COL21A1: variants seen among roughly 807,000 people sequenced by gnomAD.
COL21A1 encodes collagen type XXI alpha 1 chain, also known as collagen alpha-1(XXI) chain.
A neutral mutation model predicts 137.9 loss-of-function variants in COL21A1; 149 were observed. That is an observed-to-expected ratio of 1.08 (90% confidence interval 0.95 to 1.24). The LOEUF is 1.24. COL21A1 is among the 50% of genes most tolerant of loss of function. The pLI, the probability that COL21A1 is intolerant of heterozygous loss-of-function variation, is 0.00. For synonymous variants in COL21A1, 456 were observed against 391.5 expected (o/e 1.16, Z -1.95); for missense variants, 1,167 against 1,158.4 (o/e 1.01, Z -0.11).
chr6:56,130,729 T>C (rs1462034585), intron 12 of COL21A1, among the ~76,000 whole-genome samples: 1 of 151,896 alleles, frequency 6.6e-6, no homozygotes, highest in Admixed American at 6.6e-5. Context: ...AATAAAAAGG[T>C]GTAGTATTCA....
intron 1 of COL21A1, among the ~76,000 whole-genome samples, chr6:56,267,506 C>T (rs1763418660): frequency 6.6e-6 from 1 of 151,960 alleles, no homozygotes; most frequent in African/African-American, 2.4e-5. Flanking sequence ...CCTGTAATCC[C>T]AGCACTTTGG....
At chr6:56,182,444 T>G in intron 2 of COL21A1, 87 bp downstream of exon 2, 1 of 813,076 alleles carries the variant, frequency 1.2e-6, no homozygotes, top group Non-Finnish European at 2.0e-6. Context: ...AAGAATGAGA[T>G]CCTTAAAACC....
chr6:56,335,074 G>T (rs6927523), intron 1 of COL21A1, among the ~76,000 whole-genome samples: 102,556 of 151,848 alleles, frequency 0.68, 34,963 homozygotes, highest in East Asian at 0.9. Flanking sequence ...GAATGGATTG[G>T]TTTTTTTTGG....
At chr6:56,347,602 G>A (rs989850971) in intron 1 of COL21A1, among the ~76,000 whole-genome samples, 73 of 150,768 alleles carry the variant, frequency 4.8e-4, no homozygotes, top group African/African-American at 1.7e-3. Context: ...CTAGAAGTAA[G>A]GCCTGAGCAT....
chr6:56,180,933 C>T (rs896162231), intron 2 of COL21A1, among the ~76,000 whole-genome samples: 29 of 152,302 alleles, frequency 1.9e-4, no homozygotes, highest in African/African-American at 7.0e-4. Context: ...AACTCTGGGC[C>T]TTTGCAGTTG....
chr6:56,074,733 A>G (rs1424247794), intron 19 of COL21A1, among the ~76,000 whole-genome samples: 2 of 151,418 alleles, frequency 1.3e-5, no homozygotes, highest in Non-Finnish European at 3.0e-5. Context: ...ATCTTTCTTC[A>G]GGGTACAAAA....
At chr6:56,156,467 T>A (rs1205761222) in intron 10 of COL21A1, among the ~76,000 whole-genome samples, 1 of 152,148 alleles carries the variant, frequency 6.6e-6, no homozygotes, top group Non-Finnish European at 1.5e-5. Flanking sequence ...CCCAGAAATG[T>A]CTTTCTCAAG....
At chr6:56,260,734 A>G (rs1243963553) in intron 1 of COL21A1, among the ~76,000 whole-genome samples, 3 of 151,050 alleles carry the variant, frequency 2.0e-5, no homozygotes, top group Non-Finnish European at 4.4e-5. Context: ...GCAGGCAGGA[A>G]GGAAGGAAGG....
At chr6:56,092,175 T>G (rs1768882711) in intron 17 of COL21A1, among the ~76,000 whole-genome samples, 1 of 152,150 alleles carries the variant, frequency 6.6e-6, no homozygotes. Context: ...ACAATAATTA[T>G]TTTTGTTTAT....
At chr6:56,369,343 C>T (rs1281491305) in intron 1 of COL21A1, among the ~76,000 whole-genome samples, 2 of 150,908 alleles carry the variant, frequency 1.3e-5, no homozygotes, top group African/African-American at 4.9e-5. Context: ...ACTAGATAAA[C>T]GCAGGACCCA....
At chr6:56,151,959 G>T (rs527611119) in intron 10 of COL21A1, among the ~76,000 whole-genome samples, 1 of 152,292 alleles carries the variant, frequency 6.6e-6, no homozygotes, top group South Asian at 2.1e-4. Flanking sequence ...GGAGGGGCTG[G>T]ATATTTAAGA....
intron 16 of COL21A1, among the ~76,000 whole-genome samples, chr6:56,111,464 A>G (rs1409330628): frequency 2.0e-5 from 3 of 152,184 alleles, no homozygotes; most frequent in East Asian, 3.8e-4. Flanking sequence ...GTTTTGACAA[A>G]TATACCATAG....
At chr6:56,341,217 G>A (rs1765461438) in intron 1 of COL21A1, among the ~76,000 whole-genome samples, 1 of 152,056 alleles carries the variant, frequency 6.6e-6, no homozygotes. Flanking sequence ...CGGTATATAA[G>A]GAAAATTATG....
intron 1 of COL21A1, among the ~76,000 whole-genome samples, chr6:56,359,057 T>C (rs1765903680): frequency 1.0e-5 from 1 of 96,426 alleles, no homozygotes; most frequent in Non-Finnish European, 2.7e-5. Context: ...TAGAATTTAG[T>C]AAGTATTTAA....
At chr6:56,264,659 T>A (rs1205937071) in intron 1 of COL21A1, among the ~76,000 whole-genome samples, 1 of 152,204 alleles carries the variant, frequency 6.6e-6, no homozygotes, top group African/African-American at 2.4e-5. Context: ...CCACCTATAA[T>A]TCAACATATC....
In COL21A1 at chr6:56,181,699, A is replaced by G. The variant is rs554850689; in HGVS notation, c.88+832T>C. 7.9e-5 allele frequency among the ~76,000 whole-genome samples: 12 copies of G among 152,310 alleles called. No individual in the cohort carries two copies. In the South Asian group the frequency reaches 2.3e-3, roughly 29 times the overall value. On this transcript the variant is annotated intron_variant, in intron 2 of 29. Coordinates refer to ENST00000244728, the MANE Select transcript of COL21A1 (RefSeq NM_030820.4). ...TATCCATCCTGAGAACCTCTTCCTT[A>G]GAGAGATGAATGACATCATAGAAAA...
chr6:56,061,216 T>G, intron 25 of COL21A1, 179 bp from the exon 26 acceptor site: 1 of 594,580 alleles, frequency 1.7e-6, no homozygotes, highest in Non-Finnish European at 2.8e-6. Flanking sequence ...CATATTAAAC[T>G]GTCATTTATC....
chr6:56,075,832 T>G (rs1351841298), intron 18 of COL21A1, among the ~76,000 whole-genome samples: 1 of 151,402 alleles, frequency 6.6e-6, no homozygotes, highest in Non-Finnish European at 1.5e-5. Context: ...GGTGAAAAAT[T>G]TTTCTATTTA....
At chr6:56,207,984 C>G (rs1470198225) in intron 1 of COL21A1, among the ~76,000 whole-genome samples, 2 of 152,076 alleles carry the variant, frequency 1.3e-5, no homozygotes, top group Non-Finnish European at 2.9e-5. Context: ...ATTCAACAGC[C>G]CTTCATGCTA....
Sources: gnomAD v4.1 joint callset for allele counts (sites outside exome capture counted in the v4.1 genomes callset) on GRCh38, gnomAD v4.1.1 for gene constraint, MANE v1.5 for transcripts, NCBI Gene and HGNC (gene_info 2026-07-23, HGNC 2026-07-21) for gene names.